The following DMD variants were observed in gnomAD, a reference collection of about 807,000 sequenced individuals.
DMD encodes the protein dystrophin.
DMD carries 63 observed loss-of-function variants against 330.1 expected under a neutral mutation model. The ratio of observed to expected loss-of-function variants is 0.19; its 90% confidence interval spans 0.16 to 0.24. The LOEUF (loss-of-function observed/expected upper bound fraction) is 0.24. Ranked by LOEUF, DMD falls within the 10% of genes least tolerant of loss-of-function variation. The probability of loss-of-function intolerance (pLI) is 1.00; values close to 1 mark genes in which losing one functional copy is unlikely to be tolerated. For missense variants in DMD, 3,344 were observed against 2,684.1 expected (o/e 1.25, Z -5.43); for synonymous variants, 1,223 against 959.8 (o/e 1.27, Z -5.07).
At chrX:33,329,974 T>C (rs1406214674) in intron 1 of DMD, among the ~76,000 whole-genome samples, 2 of 111,571 alleles carry the variant, frequency 1.8e-5, no homozygotes, top group African/African-American at 6.5e-5. Flanking sequence ...GGGAAATTAC[T>C]AATGAATGTT....
At chrX:31,122,323 T>C (rs919356852) in intron 78 of DMD, among the ~76,000 whole-genome samples, 11 of 111,748 alleles carry the variant, frequency 9.8e-5, no homozygotes, top group Admixed American at 9.5e-4. Flanking sequence ...GAGTGATTGA[T>C]TGATTACTTA....
intron 12 of DMD, among the ~76,000 whole-genome samples, chrX:32,600,937 T>C (rs745430340): frequency 9.0e-6 from 1 of 110,644 alleles, no homozygotes; most frequent in South Asian, 3.8e-4. Flanking sequence ...CTAATGATCA[T>C]GTTAATTCAA....
rs1475317512 is a variant in DMD, at chrX:31,128,164, T to A, written c.11015-1491A>T. 4.5e-5 allele frequency among the ~76,000 whole-genome samples: 5 copies of A among 111,618 alleles called. No homozygotes were observed. The South Asian group carries it at 1.9e-3, about 43-fold the overall frequency. ...TCTTTTTGATTCCTTTAGCAAGGTTTTTTTAAAAAAGTATCTTTATGTTTC... is the reference window on the plus strand; with the variant it reads ...TCTTTTTGATTCCTTTAGCAAGGTTATTTTAAAAAAGTATCTTTATGTTTC... On this transcript the variant is annotated intron_variant, in intron 77 of 78. Coordinates refer to ENST00000357033, the MANE Select transcript of DMD (RefSeq NM_004006.3).
chrX:31,537,504 G>A (rs947970431), intron 55 of DMD, among the ~76,000 whole-genome samples: 1 of 111,764 alleles, frequency 8.9e-6, no homozygotes, highest in Non-Finnish European at 1.9e-5. Context: ...TTTCTCCATA[G>A]GTTCAGCTCA....
chrX:31,596,766 A>T (rs140984639), intron 55 of DMD, among the ~76,000 whole-genome samples: 39 of 112,405 alleles, frequency 3.5e-4, no homozygotes, highest in African/African-American at 1.1e-3. Context: ...TTATTTAGCC[A>T]GCAAGTAAGC....
chrX:32,316,409 G>C (rs182111799), intron 41 of DMD, among the ~76,000 whole-genome samples: 2 of 111,072 alleles, frequency 1.8e-5, no homozygotes, highest in East Asian at 5.7e-4. Flanking sequence ...CAACAGTTCA[G>C]CTATACGTTA....
chrX:33,238,191 GGGTACT>G (rs920242623), intron 1 of DMD, among the ~76,000 whole-genome samples: 2 of 111,983 alleles, frequency 1.8e-5, no homozygotes, highest in Admixed American at 1.9e-4. Context: ...GCATTTTAAA[GGGTACT>G]CTTGAATTCA....
intron 49 of DMD, among the ~76,000 whole-genome samples, chrX:31,820,531 C>T (rs1480547760): frequency 8.9e-6 from 1 of 112,042 alleles, no homozygotes; most frequent in Non-Finnish European, 1.9e-5. Context: ...GAATATGCTA[C>T]TCAGAGCCCC....
At chrX:31,251,187 C>T (rs1316880222) in intron 63 of DMD, among the ~76,000 whole-genome samples, 6 of 106,911 alleles carry the variant, frequency 5.6e-5, no homozygotes, top group Non-Finnish European at 1.2e-4. Flanking sequence ...TCTAAGACAA[C>T]GTCTTGCTAT....
chrX:31,530,067 T>C (rs1204371006), intron 55 of DMD, among the ~76,000 whole-genome samples: 3 of 111,760 alleles, frequency 2.7e-5, no homozygotes, highest in African/African-American at 9.8e-5. Flanking sequence ...TACGGAGAAA[T>C]GATTCATTCC....
chrX:33,268,907 C>CAAAAA (rs202219233), intron 1 of DMD, among the ~76,000 whole-genome samples: 1 of 43,326 alleles, frequency 2.3e-5, no homozygotes, highest in African/African-American at 6.6e-5. Flanking sequence ...GCCTGGGTGA[C>CAAAAA]AAAAAAAAAA....
intron 47 of DMD, among the ~76,000 whole-genome samples, chrX:31,911,500 A>G (rs73217963): frequency 0.3 from 31,861 of 104,624 alleles, 5,558 homozygotes; most frequent in African/African-American, 0.65. Flanking sequence ...AGCATTTCTC[A>G]CTTTTTTTTT....
intron 50 of DMD, among the ~76,000 whole-genome samples, chrX:31,791,137 C>T: frequency 1.8e-5 from 2 of 111,517 alleles, no homozygotes; most frequent in Middle Eastern, 9.2e-3. Flanking sequence ...TGCCTTGCAA[C>T]ATTACTCTTA....
chrX:32,805,508 T>G (rs1437888047), intron 7 of DMD, among the ~76,000 whole-genome samples: 1 of 111,262 alleles, frequency 9.0e-6, no homozygotes, highest in African/African-American at 3.3e-5. Flanking sequence ...TGGGAAAACA[T>G]TCTTCAGGAT....
intron 43 of DMD, among the ~76,000 whole-genome samples, chrX:32,254,309 T>C (rs761446943): frequency 3.6e-5 from 4 of 112,566 alleles, no homozygotes; most frequent in African/African-American, 6.4e-5. Flanking sequence ...CTCAAATTGC[T>C]GGGATTACAG....
intron 1 of DMD, among the ~76,000 whole-genome samples, chrX:33,070,355 G>A (rs970667154): frequency 2.7e-5 from 3 of 110,025 alleles, no homozygotes; most frequent in Non-Finnish European, 5.7e-5. Context: ...CTTCCCCTCT[G>A]GCATTCCCAG....
At chrX:31,196,861 A>G (rs936501748) in intron 67 of DMD, among the ~76,000 whole-genome samples, 1 of 76,632 alleles carries the variant, frequency 1.3e-5, no homozygotes, top group Non-Finnish European at 2.5e-5. Flanking sequence ...AAAAAAAAAA[A>G]AAAAAAGTAA....
rs202139662 is a variant in DMD at position 32,932,026 on chromosome X, C to T, written c.94-82206G>A. 2.1e-4 allele frequency among the ~76,000 whole-genome samples: 23 copies of T among 111,948 alleles called. No individual in the cohort carries two copies. The East Asian group carries it at 3.4e-3, about 16-fold the overall frequency. ...GAAAATCTATTCAAATATACACACA[C>T]GCATTATGCTAAACACAAACGTATC... On this transcript the variant is annotated intron_variant, in intron 2 of 78. Coordinates refer to ENST00000357033, the MANE Select transcript of DMD (RefSeq NM_004006.3).
At chrX:32,006,120 G>T (rs1906773855) in intron 44 of DMD, among the ~76,000 whole-genome samples, 2 of 111,672 alleles carry the variant, frequency 1.8e-5, no homozygotes, top group Admixed American at 1.9e-4. Flanking sequence ...GATCTTTGTT[G>T]AAAGGTGCTG....
Sources: gnomAD v4.1 joint callset for allele counts (sites outside exome capture counted in the v4.1 genomes callset) on GRCh38, gnomAD v4.1.1 for gene constraint, MANE v1.5 for transcripts, NCBI Gene and HGNC (gene_info 2026-07-23, HGNC 2026-07-21) for gene names.